Variants in ASIC2 observed in about 807,000 individuals in gnomAD.
ASIC2 encodes the protein acid sensing ion channel subunit 2, also known as acid-sensing ion channel 2.
In ASIC2, 25 loss-of-function variants were observed where a neutral mutation model predicts 57.3. That is an observed-to-expected ratio of 0.44 (90% CI 0.32 to 0.61). ASIC2 has a LOEUF of 0.61. Among genes scored for constraint, ASIC2 ranks in the 20% least tolerant of loss-of-function variants. The probability of loss-of-function intolerance (pLI) is 0.06; values close to 1 mark genes in which losing one functional copy is unlikely to be tolerated. For synonymous variants in ASIC2, 319 were observed against 307.5 expected (o/e 1.04, Z -0.39); for missense variants, 641 against 738.1 (o/e 0.87, Z 1.52).
rs183260116 is a variant in ASIC2, at chr17:34,015,128, C to T, written c.555+140850G>A. On this transcript the variant is annotated intron_variant, in intron 1 of 9. Coordinates refer to the ASIC2 transcript ENST00000359872. Reference sequence around the variant, plus strand: ...TTTGTTACATTGCCCAGGCTGGTCTCAAACTCCTGGGCTCAAGAGATCTAT... The same window carrying T: ...TTTGTTACATTGCCCAGGCTGGTCTTAAACTCCTGGGCTCAAGAGATCTAT... 1.1e-4 allele frequency among the ~76,000 whole-genome samples: 16 copies of T among 142,264 alleles called. No individual in the cohort carries two copies. The East Asian group carries it at 3.4e-3, about 30-fold the overall frequency. 93.3% of individuals were successfully genotyped at this position (142,264 alleles called of 152,430 possible).
intron 1 of ASIC2, among the ~76,000 whole-genome samples, chr17:33,595,141 G>T (rs1904943373): frequency 6.6e-6 from 1 of 152,156 alleles, no homozygotes; most frequent in Non-Finnish European, 1.5e-5. Context: ...CAGGAAGCTT[G>T]CTAGAGCCCT....
chr17:33,573,813 G>A (rs1434739025), intron 1 of ASIC2, among the ~76,000 whole-genome samples: 9 of 152,110 alleles, frequency 5.9e-5, no homozygotes, highest in East Asian at 1.9e-4. Flanking sequence ...TGATCCACCC[G>A]CCTCGGCCTC....
rs533490899 is a variant in ASIC2 at position 33,113,421 on chromosome 17, A to G, written c.709-1354T>C. On this transcript the variant is annotated intron_variant, in intron 1 of 9. Coordinates refer to ENST00000225823, the MANE Select transcript of ASIC2 (RefSeq NM_183377.2). ...AAACCTCGAGCTGAAGCCAAATTACATCTGGCAAAATTGGCTGGAAGAGAG... is the reference window on the plus strand; with the variant it reads ...AAACCTCGAGCTGAAGCCAAATTACGTCTGGCAAAATTGGCTGGAAGAGAG... Among the ~76,000 whole-genome samples, 230 of 152,338 alleles carry G rather than the reference A, an allele frequency of 1.5e-3. 1 individual carries two copies. Among genetic ancestry groups the G allele is most frequent in the African/African-American group, 5.4e-3 (224 of 41,580 alleles).
At chr17:33,077,805 T>G (rs980492694) in intron 3 of ASIC2, among the ~76,000 whole-genome samples, 3 of 152,194 alleles carry the variant, frequency 2.0e-5, no homozygotes, top group Non-Finnish European at 4.4e-5. Context: ...AGACCCCTCC[T>G]TCCCTTACCC....
chr17:33,568,177 G>T (rs1916306364), intron 1 of ASIC2, among the ~76,000 whole-genome samples: 1 of 152,178 alleles, frequency 6.6e-6, no homozygotes, highest in Non-Finnish European at 1.5e-5. Context: ...GAGCCCTCCA[G>T]TTAGAGACTT....
At chr17:34,041,522 C>T (rs576174092) in intron 1 of ASIC2, 3 of 152,252 alleles carry the variant, frequency 2.0e-5, no homozygotes, top group South Asian at 4.1e-4. Context: ...TTATAAGCTC[C>T]GAGACCTTGG....
At chr17:33,065,882 A>G (rs565291729) in intron 3 of ASIC2, among the ~76,000 whole-genome samples, 1 of 152,332 alleles carries the variant, frequency 6.6e-6, no homozygotes, top group Admixed American at 6.5e-5. Flanking sequence ...ATGATTTTCA[A>G]TCCACTTTGA....
intron 1 of ASIC2, among the ~76,000 whole-genome samples, chr17:33,242,225 G>A (rs1908532477): frequency 6.6e-6 from 1 of 151,774 alleles, no homozygotes; most frequent in African/African-American, 2.4e-5. Flanking sequence ...GCTGAGGCAG[G>A]AGAATGGCAT....
chr17:33,463,107 CTTT>C (rs555923596), intron 1 of ASIC2, among the ~76,000 whole-genome samples: 123 of 152,322 alleles, frequency 8.1e-4, no homozygotes, highest in African/African-American at 2.9e-3. Context: ...CCACTCACTC[CTTT>C]TGAATTATAG....
chr17:33,430,652 C>A (rs1270590532), intron 1 of ASIC2, among the ~76,000 whole-genome samples: 1 of 152,184 alleles, frequency 6.6e-6, no homozygotes, highest in Non-Finnish European at 1.5e-5. Context: ...CAGTTCCAAC[C>A]TGCAGCTGCC....
chr17:33,916,151 A>G (rs1370225203), intron 1 of ASIC2, among the ~76,000 whole-genome samples: 2 of 152,110 alleles, frequency 1.3e-5, no homozygotes, highest in African/African-American at 2.4e-5. Context: ...CACTCCCAAC[A>G]TATGAGATTT....
chr17:33,348,074 C>G (rs1354154440), intron 1 of ASIC2, among the ~76,000 whole-genome samples: 1 of 152,190 alleles, frequency 6.6e-6, no homozygotes, highest in Admixed American at 6.5e-5. Flanking sequence ...TGCACTCCAG[C>G]CTGTGTGACA....
At chr17:33,870,137 C>T (rs1266459217) in intron 1 of ASIC2, among the ~76,000 whole-genome samples, 2 of 150,340 alleles carry the variant, frequency 1.3e-5, no homozygotes, top group African/African-American at 2.5e-5. Flanking sequence ...CATTAGAAAC[C>T]GTAATAGATG....
chr17:34,134,386 C>T (rs1912073212), intron 1 of ASIC2, among the ~76,000 whole-genome samples: 1 of 152,210 alleles, frequency 6.6e-6, no homozygotes, highest in African/African-American at 2.4e-5. Context: ...CAGAGCTGGA[C>T]AGTCACCTTT....
intron 1 of ASIC2, among the ~76,000 whole-genome samples, chr17:33,957,184 T>G (rs1904763165): frequency 6.6e-6 from 1 of 152,120 alleles, no homozygotes; most frequent in African/African-American, 2.4e-5. Context: ...TATCCAAAGC[T>G]CTGAATTCGA....
At chr17:33,332,218 C>T (rs983818262) in intron 1 of ASIC2, among the ~76,000 whole-genome samples, 23 of 152,360 alleles carry the variant, frequency 1.5e-4, no homozygotes, top group African/African-American at 5.3e-4. Context: ...ACTAGAGCTA[C>T]TTGCTACCAG....
intron 1 of ASIC2, among the ~76,000 whole-genome samples, chr17:33,940,830 T>C (rs940602418): frequency 6.6e-6 from 1 of 152,148 alleles, no homozygotes; most frequent in South Asian, 2.1e-4. Context: ...GACCTGAGAC[T>C]CAAAGGATGG....
chr17:34,060,601 A>T (rs1908936967), intron 1 of ASIC2, among the ~76,000 whole-genome samples: 1 of 152,194 alleles, frequency 6.6e-6, no homozygotes, highest in African/African-American at 2.4e-5. Context: ...AAAAAATGAT[A>T]CAAGAAGTGA....
intron 1 of ASIC2, among the ~76,000 whole-genome samples, chr17:34,053,427 C>A (rs1908642798): frequency 6.6e-6 from 1 of 152,132 alleles, no homozygotes; most frequent in Non-Finnish European, 1.5e-5. Context: ...ATAAATACAG[C>A]ATTTTGAAAA....
Sources: gnomAD v4.1 joint callset for allele counts (sites outside exome capture counted in the v4.1 genomes callset) on GRCh38, gnomAD v4.1.1 for gene constraint, MANE v1.5 for transcripts, NCBI Gene and HGNC (gene_info 2026-07-23, HGNC 2026-07-21) for gene names.